ERICH1: variants seen among roughly 807,000 people sequenced by gnomAD.
The protein encoded by ERICH1 is glutamate-rich protein 1.
A neutral mutation model predicts 39.6 loss-of-function variants in ERICH1; 56 were observed. That is an observed-to-expected ratio of 1.41 (90% CI 1.14 to 1.77). The LOEUF (loss-of-function observed/expected upper bound fraction) is 1.77. Among genes scored for constraint, ERICH1 ranks in the 40% most tolerant of loss-of-function variants. The probability of loss-of-function intolerance (pLI) is 0.00; values close to 1 mark genes in which losing one functional copy is unlikely to be tolerated. For synonymous variants in ERICH1, 313 were observed against 223.6 expected, an observed-to-expected ratio of 1.40 and a Z score of -3.57; for missense variants, 826 against 575.4, an observed-to-expected ratio of 1.44 and a Z score of -4.45.
At chr8:721,869 C>T (rs543273968) in intron 1 of ERICH1, among the ~76,000 whole-genome samples, 22 of 152,280 alleles carry the variant, frequency 1.4e-4, no homozygotes, top group South Asian at 4.1e-4. Flanking sequence ...AGTGTGTGTA[C>T]GCTTATGAGC....
At chr8:628,944 G>C (rs1172028060) in intron 3 of ERICH1, among the ~76,000 whole-genome samples, 1 of 152,092 alleles carries the variant, frequency 6.6e-6, no homozygotes, top group African/African-American at 2.4e-5. Flanking sequence ...TCAACATAAA[G>C]ACTAAAGGAG....
chr8:728,028 C>A (rs1250635439), intron 1 of ERICH1, among the ~76,000 whole-genome samples: 2 of 152,210 alleles, frequency 1.3e-5, no homozygotes, highest in Non-Finnish European at 2.9e-5. Flanking sequence ...CAGGGCTGGG[C>A]CCTGGGACGG....
chr8:667,838 C>G (rs765567094), intron 5 of ERICH1: 1 of 152,724 alleles, frequency 6.5e-6, no homozygotes, highest in Non-Finnish European at 1.5e-5. Flanking sequence ...CCGACACTTA[C>G]TCTGAAACTC....
chr8:698,753 C>T (rs143134682), intron 2 of ERICH1, among the ~76,000 whole-genome samples: 49 of 152,280 alleles, frequency 3.2e-4, no homozygotes, highest in African/African-American at 1.1e-3. Context: ...GCTAGGATTA[C>T]AGGCGTGAGT....
At chr8:616,802 AG>A (rs1796932624) in intron 3 of ERICH1, among the ~76,000 whole-genome samples, 1 of 73,296 alleles carries the variant, frequency 1.4e-5, no homozygotes, top group South Asian at 8.0e-4. Flanking sequence ...TGGGGAAGAG[AG>A]GGGGGAGGAA....
rs1271510843 is a variant in ERICH1, at chr8:646,962, C to G, written c.976+21636G>C. Among the ~76,000 whole-genome samples the G allele has an allele frequency of 2.9e-5, 2 of 68,860 alleles. 1 individual carries two copies. The highest frequency in any genetic ancestry group is 9.1e-5 in the Non-Finnish European group (2 of 21,952). 45.2% of individuals were successfully genotyped at this position (68,860 alleles called of 152,430 possible). A position where few individuals can be genotyped will look rare whatever the true frequency, so the allele number is the denominator to read the frequency against. On this transcript the variant is annotated intron_variant, in intron 3 of 3. Transcript: ENST00000522706. ...GCAATTCACGCCAGTTAATCTGTGC[C>G]GAGGGCCTACCAAGCCCTCCACATT...
chr8:718,287 A>G (rs559076241), intron 1 of ERICH1, among the ~76,000 whole-genome samples: 1 of 152,296 alleles, frequency 6.6e-6, no homozygotes, highest in African/African-American at 2.4e-5. Flanking sequence ...ATTGGAGCGC[A>G]CTGAGTCTGG....
At chr8:618,678 T>C (rs1002406123) in intron 3 of ERICH1, among the ~76,000 whole-genome samples, 9 of 152,212 alleles carry the variant, frequency 5.9e-5, no homozygotes, top group Non-Finnish European at 4.4e-5. Flanking sequence ...CTAACTGCGT[T>C]ATCACACACA....
rs536977699 is a variant in ERICH1 at position 656,060 on chromosome 8, A to T, written c.976+12538T>A. Among the ~76,000 whole-genome samples, 586 of 152,038 alleles carry T rather than the reference A, an allele frequency of 3.9e-3. 8 individuals carry two copies. The highest frequency in any genetic ancestry group is 0.013 in the African/African-American group (545 of 41,460). On this transcript the variant is annotated intron_variant, in intron 3 of 3. Coordinates refer to the ERICH1 transcript ENST00000522706. The stretch of plus-strand genomic sequence containing the variant: ...ACTCATGGCCTCAAGACTTCCCCAA[A>T]TCAGGCTGTAGACCTGCCCGCCAGG...
intron 3 of ERICH1, among the ~76,000 whole-genome samples, chr8:619,990 G>T (rs942807582): frequency 4.6e-5 from 7 of 152,096 alleles, no homozygotes; most frequent in Non-Finnish European, 8.8e-5. Flanking sequence ...AGCAATAAAA[G>T]AAAATGGAGG....
downstream of ERICH1, among the ~76,000 whole-genome samples, chr8:662,198 C>A (rs1360266135): frequency 3.9e-5 from 6 of 152,260 alleles, no homozygotes; most frequent in African/African-American, 1.4e-4. Flanking sequence ...CTACACATGA[C>A]CCACCACCCC....
chr8:731,131 C>A lies in ERICH1; in HGVS notation c.22+9G>T, dbSNP rs1202452921. ...GGTCTGGGCAGGCCTCCGCACCGCACCCACCTACCGTGCTTCCTGTGCGCC... is the reference window on the plus strand; with the variant it reads ...GGTCTGGGCAGGCCTCCGCACCGCAACCACCTACCGTGCTTCCTGTGCGCC... On this transcript the variant is annotated intron_variant, in intron 1 of 5. Transcript: ENST00000262109. 1 of 1,520,946 alleles carries A rather than the reference C, an allele frequency of 6.6e-7. No homozygotes were observed. 94.2% of individuals were successfully genotyped at this position (1,520,946 alleles called of 1,614,324 possible).
At position 692,408 on chromosome 8, in the gene ERICH1, A is replaced by G. The variant is rs559467600; in HGVS notation, c.304+70T>C. 4.3e-5 allele frequency: 69 copies of G among 1,608,744 alleles called. 1 individual carries two copies. Among genetic ancestry groups the G allele is most frequent in the South Asian group, 1.8e-4 (16 of 90,472 alleles). On this transcript the variant is annotated intron_variant, in intron 3 of 5. Transcript: ENST00000262109. Reference sequence around the variant, plus strand: ...TATGAATTTAGATAAAGGTATTACAATACCAGAAAATTGGGAAATACGAGC... The same window carrying G: ...TATGAATTTAGATAAAGGTATTACAGTACCAGAAAATTGGGAAATACGAGC...
intron 1 of ERICH1, among the ~76,000 whole-genome samples, chr8:729,307 C>A (rs1422287643): frequency 6.6e-6 from 1 of 152,220 alleles, no homozygotes; most frequent in Non-Finnish European, 1.5e-5. Flanking sequence ...GCCCAACCCC[C>A]ACCTGCAACC....
rs747221474 is a variant in ERICH1 at position 668,667 on chromosome 8, G to A, written c.1189C>T (p.Leu397Phe). 4.3e-6 allele frequency: 7 copies of A among 1,614,036 alleles called. No individual in the cohort carries two copies. Among genetic ancestry groups the A allele is most frequent in the Non-Finnish European group, 2.5e-6 (3 of 1,180,050 alleles). ...SILYHMKTLL[L>F]LQDTERLKHA... ...TTCAATCTCTCAGTATCTTGCAGGA[G>A]CAGCAGCGTTTTCATGTGGTACAGG... The change falls in exon 5 of 6, where the codon CTC becomes TTC. Residue 397 changes from leucine to phenylalanine, a missense_variant. Physicochemically the swap from Leu to Phe is conservative, Grantham distance 22. Coordinates refer to ENST00000262109, the MANE Select transcript of ERICH1 (RefSeq NM_207332.3).
chr8:677,809 C>T (rs1030228597), intron 3 of ERICH1, among the ~76,000 whole-genome samples: 4 of 152,258 alleles, frequency 2.6e-5, no homozygotes, highest in East Asian at 1.9e-4. Flanking sequence ...CTCTAGGATG[C>T]GACAGGTCAC....
intron 3 of ERICH1, among the ~76,000 whole-genome samples, chr8:636,737 C>A (rs1798469700): frequency 6.6e-6 from 1 of 152,258 alleles, no homozygotes; most frequent in South Asian, 2.1e-4. Flanking sequence ...CGGTGCAGAC[C>A]TGGCCTCGGC....
chr8:692,198 G>A (rs1380274832), intron 3 of ERICH1, among the ~76,000 whole-genome samples: 1 of 152,168 alleles, frequency 6.6e-6, no homozygotes, highest in Non-Finnish European at 1.5e-5. Flanking sequence ...TTTAGTTCCA[G>A]GGTACTCCTA....
At chr8:716,943 G>C (rs1043421304) in intron 1 of ERICH1, among the ~76,000 whole-genome samples, 1 of 152,188 alleles carries the variant, frequency 6.6e-6, no homozygotes, top group Non-Finnish European at 1.5e-5. Context: ...ACAAACACGT[G>C]ATAGAAATAA....
Sources: allele counts gnomAD v4.1 joint callset (sites outside exome capture counted in the v4.1 genomes callset), GRCh38; gene constraint gnomAD v4.1.1; transcripts MANE v1.5; gene names NCBI Gene and HGNC (gene_info 2026-07-23, HGNC 2026-07-21).